CCSER1: variants seen among roughly 807,000 people sequenced by gnomAD.
CCSER1 encodes the protein serine-rich coiled-coil domain-containing protein 1.
Under a neutral mutation model 82.0 loss-of-function variants are expected in CCSER1, and 41 were observed. That is an observed-to-expected ratio of 0.50 (90% CI 0.39 to 0.65). The LOEUF (loss-of-function observed/expected upper bound fraction) is 0.65. Ranked by LOEUF, CCSER1 falls within the 30% of genes least tolerant of loss-of-function variation. The pLI is 0.00. For missense variants in CCSER1, 1,119 were observed against 1,064.2 expected (o/e 1.05, Z -0.72); for synonymous variants, 414 against 383.9 (o/e 1.08, Z -0.92).
chr4:90,838,565 A>T (rs1462340466), intron 8 of CCSER1, among the ~76,000 whole-genome samples: 4 of 151,764 alleles, frequency 2.6e-5, no homozygotes, highest in African/African-American at 7.2e-5. Flanking sequence ...TGAACAAAAA[A>T]AAAATGGCAC....
intron 10 of CCSER1, among the ~76,000 whole-genome samples, chr4:91,387,636 G>T (rs978587951): frequency 6.6e-6 from 1 of 151,998 alleles, no homozygotes; most frequent in Non-Finnish European, 1.5e-5. Context: ...ACAAGATGGG[G>T]CTACTAGGGC....
chr4:90,505,283 G>A (rs554203319), intron 5 of CCSER1, among the ~76,000 whole-genome samples: 5 of 152,338 alleles, frequency 3.3e-5, no homozygotes, highest in Non-Finnish European at 5.9e-5. Flanking sequence ...CCAGACAATG[G>A]CAGACTGCAA....
chr4:90,148,694 G>A (rs1258211665), intron 1 of CCSER1, among the ~76,000 whole-genome samples: 1 of 152,074 alleles, frequency 6.6e-6, no homozygotes. Flanking sequence ...TTTGATTTCA[G>A]TTTTGCAATG....
chr4:91,208,645 G>A (rs1017477439), intron 10 of CCSER1, among the ~76,000 whole-genome samples: 1 of 151,794 alleles, frequency 6.6e-6, no homozygotes, highest in African/African-American at 2.4e-5. Flanking sequence ...TTTGAAATCA[G>A]GTAATGTGAT....
intron 10 of CCSER1, among the ~76,000 whole-genome samples, chr4:91,449,265 T>C (rs1299100443): frequency 6.6e-6 from 1 of 152,032 alleles, no homozygotes; most frequent in East Asian, 1.9e-4. Flanking sequence ...TTCAAAACAT[T>C]AGTCCACTAA....
intron 6 of CCSER1, among the ~76,000 whole-genome samples, chr4:90,691,520 T>C (rs905012237): frequency 9.3e-5 from 14 of 150,934 alleles, no homozygotes; most frequent in African/African-American, 2.9e-4. Flanking sequence ...ATTACATGTG[T>C]ACATATCACA....
chr4:91,186,000 T>C (rs1201858596), intron 10 of CCSER1, among the ~76,000 whole-genome samples: 1 of 152,164 alleles, frequency 6.6e-6, no homozygotes, highest in African/African-American at 2.4e-5. Flanking sequence ...TCCCTGTTGA[T>C]CTGGGGGGTG....
chr4:90,531,532 T>C (rs1322747697), intron 5 of CCSER1, among the ~76,000 whole-genome samples: 1 of 152,126 alleles, frequency 6.6e-6, no homozygotes, highest in African/African-American at 2.4e-5. Context: ...TGAAGCTTTT[T>C]AAATCTGTAA....
intron 1 of CCSER1, among the ~76,000 whole-genome samples, chr4:90,233,509 A>T (rs1277223004): frequency 6.6e-6 from 1 of 152,152 alleles, no homozygotes; most frequent in Non-Finnish European, 1.5e-5. Flanking sequence ...GCATGGGGAG[A>T]TATACCTAAC....
At chr4:91,426,714 T>C (rs138111098) in intron 10 of CCSER1, among the ~76,000 whole-genome samples, 1 of 152,228 alleles carries the variant, frequency 6.6e-6, no homozygotes, top group Non-Finnish European at 1.5e-5. Context: ...TTTTAATTTC[T>C]GATTTGTGTG....
intron 10 of CCSER1, among the ~76,000 whole-genome samples, chr4:91,164,585 G>C (rs180800699): frequency 6.6e-6 from 1 of 152,082 alleles, no homozygotes; most frequent in African/African-American, 2.4e-5. Context: ...TGTAGACTTG[G>C]TCTTTTCACA....
chr4:91,308,600 A>G (rs1360646986), intron 10 of CCSER1, among the ~76,000 whole-genome samples: 1 of 66,698 alleles, frequency 1.5e-5, no homozygotes, highest in Non-Finnish European at 3.3e-5. Context: ...TGCTCAGTGC[A>G]TTCTCAGTTC....
chr4:91,084,207 C>T (rs1561534885), intron 9 of CCSER1, among the ~76,000 whole-genome samples: 1 of 152,052 alleles, frequency 6.6e-6, no homozygotes, highest in East Asian at 1.9e-4. Flanking sequence ...GTAGAGATTA[C>T]AGGCATGAGC....
intron 1 of CCSER1, among the ~76,000 whole-genome samples, chr4:90,146,400 A>G (rs1313345275): frequency 1.3e-5 from 2 of 152,020 alleles, no homozygotes; most frequent in Non-Finnish European, 2.9e-5. Context: ...TGATCTTTAG[A>G]TCATCTTTTT....
At chr4:91,192,919 T>A (rs896811685) in intron 10 of CCSER1, among the ~76,000 whole-genome samples, 2 of 152,180 alleles carry the variant, frequency 1.3e-5, no homozygotes, top group Admixed American at 1.3e-4. Context: ...ATCAAGCTGT[T>A]TTTCCTGACT....
intron 10 of CCSER1, among the ~76,000 whole-genome samples, chr4:91,317,227 T>C (rs1745896620): frequency 6.6e-6 from 1 of 151,974 alleles, no homozygotes; most frequent in Non-Finnish European, 1.5e-5. Context: ...ACCAGGCTTA[T>C]CCTCTGAAAT....
At chr4:91,067,363 G>A (rs1435176873) in intron 9 of CCSER1, among the ~76,000 whole-genome samples, 1 of 139,772 alleles carries the variant, frequency 7.2e-6, no homozygotes, top group East Asian at 2.1e-4. Flanking sequence ...TTTTTTTGCT[G>A]AGACAGGCTC....
At chr4:91,113,441 T>C (rs1211089233) in intron 10 of CCSER1, among the ~76,000 whole-genome samples, 1 of 152,202 alleles carries the variant, frequency 6.6e-6, no homozygotes, top group African/African-American at 2.4e-5. Context: ...AAATCCACCC[T>C]GGAGACTTAC....
At chr4:90,223,994 G>A (rs887694697) in intron 1 of CCSER1, among the ~76,000 whole-genome samples, 2 of 152,120 alleles carry the variant, frequency 1.3e-5, no homozygotes, top group East Asian at 1.9e-4. Flanking sequence ...AATATGTGTC[G>A]AATAACTGTA....
Sources: allele counts gnomAD v4.1 joint callset (sites outside exome capture counted in the v4.1 genomes callset), GRCh38; gene constraint gnomAD v4.1.1; transcripts MANE v1.5; gene names NCBI Gene and HGNC (gene_info 2026-07-23, HGNC 2026-07-21).